ITCH: variants seen among roughly 807,000 people sequenced by gnomAD.
ITCH encodes the protein itchy E3 ubiquitin protein ligase.
In ITCH, 28 loss-of-function variants were observed where a neutral mutation model predicts 126.8. The ratio of observed to expected loss-of-function variants is 0.22; its 90% CI spans 0.16 to 0.30. ITCH has a LOEUF of 0.30. Among genes scored for constraint, ITCH ranks in the 10% least tolerant of loss-of-function variants. The probability of loss-of-function intolerance (pLI) is 1.00; values close to 1 mark genes in which losing one functional copy is unlikely to be tolerated. For synonymous variants in ITCH, 342 were observed against 340.0 expected (o/e 1.01, Z -0.06); for missense variants, 631 against 1,032.4 (o/e 0.61, Z 5.33).
chr20:34,383,082 C>A (rs2038129813), intron 2 of ITCH, among the ~76,000 whole-genome samples: 2 of 151,934 alleles, frequency 1.3e-5, no homozygotes, highest in African/African-American at 4.8e-5. Flanking sequence ...TACTTTGTTG[C>A]TCAGCCGGGA....
intron 4 of ITCH, among the ~76,000 whole-genome samples, chr20:34,412,099 A>G (rs1979121760): frequency 2.6e-5 from 4 of 152,216 alleles, no homozygotes; most frequent in Admixed American, 6.5e-5. Context: ...CAGTTTCTGT[A>G]TCTGAAGAAG....
chr20:34,382,728 CTATTATTATTAT>C (rs374784508), intron 2 of ITCH, among the ~76,000 whole-genome samples: 4 of 139,942 alleles, frequency 2.9e-5, no homozygotes, highest in South Asian at 4.6e-4. Context: ...TTTATTATTA[CTATTATTATTAT>C]TATTATTATT....
Position 34,413,799 on chromosome 20 carries a change from T to C in ITCH, c.395T>C (p.Ile132Thr), listed in dbSNP as rs1474507113. 3 of 1,613,342 alleles carry C rather than the reference T, an allele frequency of 1.9e-6. No homozygotes were observed. The highest frequency in any genetic ancestry group is 1.3e-5 in the African/African-American group (1 of 75,000). ...LGGDKEPTETIGDLSICLDGL... is the reference protein window; with the variant it reads ...LGGDKEPTETTGDLSICLDGL... ...GGTGACAAAGAGCCAACAGAGACAATAGGAGACTTGTCAATTTGTCTTGAT... is the reference window on the plus strand; with the variant it reads ...GGTGACAAAGAGCCAACAGAGACAACAGGAGACTTGTCAATTTGTCTTGAT... Residue 132 changes from isoleucine to threonine, a missense_variant, in exon 6 of 25, where the codon ATA becomes ACA. By Grantham distance (89) the Ile-to-Thr change is moderately conservative. This residue lies in a region of ITCH where 220 missense variants were observed against 265.7 expected (regional missense o/e 0.83). Coordinates refer to ENST00000374864, the MANE Select transcript of ITCH (RefSeq NM_031483.7).
chr20:34,474,832 G>A (rs976204812), intron 16 of ITCH, among the ~76,000 whole-genome samples: 5 of 152,000 alleles, frequency 3.3e-5, no homozygotes, highest in Non-Finnish European at 7.4e-5. Context: ...GGTGGCTGCC[G>A]GGTGGAGACG....
At chr20:34,422,829 C>G (rs1291997153) in intron 6 of ITCH, among the ~76,000 whole-genome samples, 2 of 151,804 alleles carry the variant, frequency 1.3e-5, no homozygotes, top group African/African-American at 2.4e-5. Flanking sequence ...GAGTTTCACT[C>G]TGTCGCCCAG....
In ITCH at chr20:34,504,367, T is replaced by C; in HGVS notation, c.2453T>C (p.Val818Ala). ...NGPQKFCIEK[V>A]GKENWLPRSH... ...CCACAGAAATTCTGCATTGAAAAAG[T>C]TGGGAAAGAAAATTGGCTACCCAGA... Residue 818 changes from valine to alanine, a missense_variant, in exon 24 of 25, where the codon GTT (valine) becomes GCT (alanine). Physicochemically the swap from Val to Ala is moderately conservative, Grantham distance 64. This residue lies in a region of ITCH where 390 missense variants were observed against 731.6 expected (regional missense o/e 0.53). Coordinates refer to ENST00000374864, the MANE Select transcript of ITCH (RefSeq NM_031483.7). The C allele has an allele frequency of 6.2e-7, 1 of 1,613,638 alleles. No individual in the cohort carries two copies. Among genetic ancestry groups the C allele is most frequent in the South Asian group, 1.1e-5 (1 of 91,054 alleles).
chr20:34,441,934 G>A (rs372830868), intron 9 of ITCH: 11 of 418,122 alleles, frequency 2.6e-5, no homozygotes, highest in African/African-American at 8.2e-5. Context: ...GAGTGACTTC[G>A]GTATCCTAGG....
intron 5 of ITCH, among the ~76,000 whole-genome samples, chr20:34,413,303 AAC>A (rs953314946): frequency 3.9e-5 from 6 of 152,308 alleles, no homozygotes; most frequent in Admixed American, 3.3e-4. Context: ...ATCATTTTAA[AAC>A]ACATTTTTTT....
At chr20:34,454,646 A>G (rs1985679477) in intron 12 of ITCH, 1 of 152,136 alleles carries the variant, frequency 6.6e-6, no homozygotes, top group African/African-American at 2.4e-5. Flanking sequence ...AGTTACATCC[A>G]TTTTAACCTC....
rs553457581 is a variant in ITCH, at chr20:34,408,178, C to T, written c.71-473C>T. Among the ~76,000 whole-genome samples the T allele has an allele frequency of 2.3e-3, 340 of 150,014 alleles. 1 individual carries two copies. The highest frequency in any genetic ancestry group is 3.4e-3 in the Non-Finnish European group (233 of 67,782). ...GAAGCCTTGACCTCCTGGACTCAAG[C>T]GATTCTCCTACCTCAGCCTCCCAGG... On this transcript the variant is annotated intron_variant, in intron 3 of 24. Coordinates refer to ENST00000374864, the MANE Select transcript of ITCH (RefSeq NM_031483.7).
intron 2 of ITCH, among the ~76,000 whole-genome samples, chr20:34,382,220 C>T (rs2038091225): frequency 6.6e-6 from 1 of 152,142 alleles, no homozygotes; most frequent in African/African-American, 2.4e-5. Context: ...TTTGGTTCCT[C>T]TCCCCTTCCT....
At chr20:34,440,048 T>G in intron 8 of ITCH, 107 bp from the exon 9 acceptor site, 1 of 794,418 alleles carries the variant, frequency 1.3e-6, no homozygotes, top group Non-Finnish European at 2.1e-6. Context: ...CATCTACATC[T>G]TAAGTTTTAT....
At chr20:34,439,914 G>GATCAC (rs1193315000) in intron 8 of ITCH, among the ~76,000 whole-genome samples, 2 of 152,176 alleles carry the variant, frequency 1.3e-5, no homozygotes, top group Non-Finnish European at 2.9e-5. Context: ...CAGAGAACCT[G>GATCAC]TACATGCTTC....
At chr20:34,396,119 C>T (rs533943281) in intron 3 of ITCH, among the ~76,000 whole-genome samples, 5 of 148,886 alleles carry the variant, frequency 3.4e-5, no homozygotes, top group East Asian at 2.0e-4. Context: ...CTGCAACCTC[C>T]GCCTCCCGGG....
intron 3 of ITCH, among the ~76,000 whole-genome samples, chr20:34,404,353 C>A (rs975994648): frequency 7.3e-5 from 11 of 150,730 alleles, no homozygotes; most frequent in South Asian, 2.1e-4. Flanking sequence ...GAAATAATTT[C>A]TCCTGTCCAG....
intron 23 of ITCH, among the ~76,000 whole-genome samples, chr20:34,498,976 C>CT (rs201211783): frequency 1.0e-3 from 144 of 143,832 alleles, no homozygotes; most frequent in Admixed American, 1.2e-3. Context: ...TGATGGGAGA[C>CT]TTTTTTTTTT....
At position 34,506,326 on chromosome 20, in the gene ITCH, A is replaced by C. The variant is rs573676736; in HGVS notation, c.2490-1369A>C. Among the ~76,000 whole-genome samples, 53 of 152,304 alleles carry C rather than the reference A, an allele frequency of 3.5e-4. No individual in the cohort carries two copies. In the South Asian group the frequency reaches 3.7e-3, roughly 11 times the overall value. ...CAATACTCCTGCTTTGACCTCCCAA[A>C]GTGCTGGAATTACAGGCCATCATGC... On this transcript the variant is annotated intron_variant, in intron 24 of 24. Transcript: ENST00000374864.
At chr20:34,421,708 GAAAT>G (rs1980794768) in intron 6 of ITCH, among the ~76,000 whole-genome samples, 1 of 152,088 alleles carries the variant, frequency 6.6e-6, no homozygotes, top group African/African-American at 2.4e-5. Flanking sequence ...ATATTGGAGT[GAAAT>G]AAAAGAGTGA....
intron 6 of ITCH, among the ~76,000 whole-genome samples, chr20:34,418,326 A>T (rs1029193984): frequency 6.6e-6 from 1 of 152,060 alleles, no homozygotes; most frequent in Non-Finnish European, 1.5e-5. Flanking sequence ...ACTTTTTATC[A>T]TGTATACTCT....
Sources: gnomAD v4.1 joint callset for allele counts (sites outside exome capture counted in the v4.1 genomes callset) on GRCh38, gnomAD v4.1.1 for gene constraint, gnomAD v4.1.1 regional missense constraint, MANE v1.5 for transcripts, NCBI Gene and HGNC (gene_info 2026-07-23, HGNC 2026-07-21) for gene names.